The following UTP6 variants were observed in gnomAD, a reference collection of about 807,000 sequenced individuals.
UTP6 encodes the protein U3 small nucleolar RNA-associated protein 6 homolog.
A neutral mutation model predicts 96.5 loss-of-function variants in UTP6; 60 were observed. The observed-to-expected ratio is 0.62, with a 90% CI of 0.51 to 0.77. The LOEUF (loss-of-function observed/expected upper bound fraction) is 0.77, where lower values mean the gene tolerates loss of function less well. UTP6 is among the 30% of genes least tolerant of loss of function. The pLI, the probability that UTP6 is intolerant of heterozygous loss-of-function variation, is 0.00. For synonymous variants in UTP6, 215 were observed against 240.1 expected (o/e 0.90, Z 0.96); for missense variants, 637 against 706.5 (o/e 0.90, Z 1.12).
Position 31,878,794 on chromosome 17 carries a change from G to A in UTP6, c.968-13C>T, listed in dbSNP as rs756622829. 6.2e-7 allele frequency: 1 copy of A among 1,613,050 alleles called. No homozygotes were observed. Among genetic ancestry groups the A allele is most frequent in the Non-Finnish European group, 8.5e-7 (1 of 1,179,236 alleles). ...TTCCACATGGCCTCTGGAAAAGTCA[G>A]AAAGATTGTGTTGATCAGATCACTT... On this transcript the variant is annotated splice_polypyrimidine_tract_variant and intron_variant, in intron 11 of 18. Coordinates refer to ENST00000261708, the MANE Select transcript of UTP6 (RefSeq NM_018428.3).
rs1909551548 is a variant in UTP6, at chr17:31,861,311, G to A, written c.*2048C>T. 1 of 152,032 alleles carries A rather than the reference G, an allele frequency of 6.6e-6. No individual in the cohort carries two copies. The highest frequency in any genetic ancestry group is 1.5e-5 in the Non-Finnish European group (1 of 68,020). The allele number at this position is 152,032 out of a possible 1,614,324, so 9.4% of individuals were successfully genotyped here. ...ATGAGAAACAAGATATTAATATTCT[G>A]AATATGTTTTTAAAAACTCTGGCCA... On this transcript the variant is annotated 3_prime_UTR_variant, in exon 19 of 19. Transcript: ENST00000261708.
In UTP6 at chr17:31,865,428, T is replaced by C. The variant is rs1304013408; in HGVS notation, c.1574A>G (p.Asn525Ser). ...IQFEKEQESC[N>S]MANIREYYER... ...ATAATATTCTCTTATGTTCGCCATA[T>C]TGCAGGATTCCTGACAAAGATAGAC... Residue 525 changes from asparagine (N) to serine (S), a missense_variant, in exon 18 of 19, where the codon AAT becomes AGT. Transcript: ENST00000261708. 8 of 1,613,852 alleles carry C rather than the reference T, an allele frequency of 5.0e-6. No individual in the cohort carries two copies. Among genetic ancestry groups the C allele is most frequent in the East Asian group, 2.2e-5 (1 of 44,894 alleles).
chr17:31,876,175 G>A (rs1003276416), intron 13 of UTP6, among the ~76,000 whole-genome samples: 14 of 151,670 alleles, frequency 9.2e-5, no homozygotes, highest in African/African-American at 3.1e-4. Flanking sequence ...TAGCTGGGAC[G>A]ACAGGCGCCC....
rs1720687428 is a variant in UTP6 at position 31,874,941 on chromosome 17, A to G, written c.1305+293T>C. Among the ~76,000 whole-genome samples the G allele has an allele frequency of 2.0e-5, 3 of 152,228 alleles. No individual in the cohort carries two copies. In the South Asian group the frequency reaches 6.2e-4, roughly 32 times the overall value. ...AGCGAGACTCCATCTTAAAAAAAAA[A>G]AAAAAAAAGGTTGGGCTTATATTCA... On this transcript the variant is annotated intron_variant, in intron 14 of 18. Transcript: ENST00000261708.
chr17:31,896,644 A>AT (rs1555577190), intron 2 of UTP6, among the ~76,000 whole-genome samples: 18,952 of 145,682 alleles, frequency 0.13, 2,362 homozygotes, highest in African/African-American at 0.33. Flanking sequence ...ACAGAAAAAA[A>AT]TTTTTTTTTT....
intron 1 of UTP6, among the ~76,000 whole-genome samples, chr17:31,900,938 G>A (rs1904942371): frequency 6.6e-6 from 1 of 152,144 alleles, no homozygotes; most frequent in Non-Finnish European, 1.5e-5. Context: ...TTGAAGCTCT[G>A]AGTCACATTA....
rs371799749 is a variant in UTP6 at position 31,876,579 on chromosome 17, G to A, written c.1126-1166C>T. 8.6e-5 allele frequency among the ~76,000 whole-genome samples: 13 copies of A among 151,838 alleles called. No homozygotes were observed. In the East Asian group the frequency reaches 2.4e-3, roughly 28 times the overall value. On this transcript the variant is annotated intron_variant, in intron 13 of 18. Transcript: ENST00000261708. ...GAATTGCTTGAACCCAGGAGGCGGA[G>A]GTTGAGGTGAGCCAAGATCATGCCA...
chr17:31,900,007 G>C (rs1415925750), intron 1 of UTP6, among the ~76,000 whole-genome samples: 6 of 151,760 alleles, frequency 4.0e-5, no homozygotes, highest in Admixed American at 6.6e-5. Flanking sequence ...AGCTGGGCGT[G>C]GTGGTGCGTG....
intron 2 of UTP6, among the ~76,000 whole-genome samples, chr17:31,897,298 T>C (rs1904708341): frequency 6.6e-6 from 1 of 152,028 alleles, no homozygotes; most frequent in Non-Finnish European, 1.5e-5. Context: ...AAAAAATCTA[T>C]TTTTGACATA....
chr17:31,881,690 G>C (rs1266733106), intron 10 of UTP6, among the ~76,000 whole-genome samples: 1 of 151,942 alleles, frequency 6.6e-6, no homozygotes, highest in East Asian at 1.9e-4. Flanking sequence ...AAGACTCCAA[G>C]AGACCTGAAG....
rs1286119251 is a variant in UTP6 at position 31,901,650 on chromosome 17, G to A, written c.-23C>T. On this transcript the variant is annotated 5_prime_UTR_variant, in exon 1 of 19. Transcript: ENST00000261708. ...CATGAGGTCCGAGGTCTACAACCCC[G>A]CGGGTAGCTTCTCAACAGCGAACAC... The A allele has an allele frequency of 1.9e-6, 3 of 1,610,576 alleles. No individual in the cohort carries two copies. The highest frequency in any genetic ancestry group is 2.5e-6 in the Non-Finnish European group (3 of 1,178,694).
chr17:31,864,789 CT>C (rs796908868), intron 18 of UTP6, among the ~76,000 whole-genome samples: 196 of 144,134 alleles, frequency 1.4e-3, no homozygotes, highest in East Asian at 5.2e-3. Context: ...TACCCAGTTA[CT>C]TTTTTTTTTT....
At chr17:31,895,587 G>A (rs1002489429) in intron 2 of UTP6, among the ~76,000 whole-genome samples, 5 of 152,246 alleles carry the variant, frequency 3.3e-5, no homozygotes, top group Admixed American at 3.3e-4. Context: ...AGGCTAGAGT[G>A]CAGTGGCATA....
At chr17:31,891,125 G>A (rs1239259759) in intron 6 of UTP6, among the ~76,000 whole-genome samples, 1 of 152,132 alleles carries the variant, frequency 6.6e-6, no homozygotes, top group Non-Finnish European at 1.5e-5. Context: ...ATCTTATCAA[G>A]ATTGCTTTTG....
rs751913878 is a variant in UTP6 at position 31,892,219 on chromosome 17, C to G, written c.424+41G>C. The G allele has an allele frequency of 6.9e-6, 11 of 1,605,028 alleles. No individual in the cohort carries two copies. In the Middle Eastern group the frequency reaches 5.0e-4, roughly 74 times the overall value. On this transcript the variant is annotated intron_variant, in intron 6 of 18. Transcript: ENST00000261708. Reference sequence around the variant, plus strand: ...AAATAAAATCCAAAATGGCTTGAGTCTAAATAAAACATAGAAAAATTGACA... The same window carrying G: ...AAATAAAATCCAAAATGGCTTGAGTGTAAATAAAACATAGAAAAATTGACA...
intron 11 of UTP6, chr17:31,880,078 C>G (rs1360353886): frequency 1.2e-5 from 2 of 166,730 alleles, no homozygotes; most frequent in African/African-American, 4.8e-5. Context: ...TGCACTCCAG[C>G]CTGGGCAACA....
Position 31,873,642 on chromosome 17 carries a change from C to T in UTP6, c.1386+31G>A, listed in dbSNP as rs747997852. On this transcript the variant is annotated intron_variant, in intron 15 of 18. Transcript: ENST00000261708. ...CCAGGGAACCTTCTGCCATTCCCCACACCACAAGACTTGGAACACGGAGCC... is the reference window on the plus strand; with the variant it reads ...CCAGGGAACCTTCTGCCATTCCCCATACCACAAGACTTGGAACACGGAGCC... The T allele has an allele frequency of 3.7e-6, 6 of 1,613,678 alleles. No homozygotes were observed. In the East Asian group the frequency reaches 8.9e-5, roughly 24 times the overall value.
chr17:31,867,909 A>G (rs1001412415), intron 17 of UTP6, 137 bp downstream of exon 17: 3 of 685,690 alleles, frequency 4.4e-6, no homozygotes, highest in Middle Eastern at 5.1e-4. Flanking sequence ...GTGAGCCAAG[A>G]TCACGCCACT....
intron 2 of UTP6, among the ~76,000 whole-genome samples, chr17:31,898,540 T>A (rs1904788224): frequency 6.7e-6 from 1 of 149,962 alleles, no homozygotes; most frequent in African/African-American, 2.5e-5. Context: ...AAAAAAAAAA[T>A]TTGATGTTAA....
Sources: gnomAD v4.1 joint callset for allele counts (sites outside exome capture counted in the v4.1 genomes callset) on GRCh38, gnomAD v4.1.1 for gene constraint, MANE v1.5 for transcripts, NCBI Gene and HGNC (gene_info 2026-07-23, HGNC 2026-07-21) for gene names.